PDE4D: variants seen among roughly 807,000 people sequenced by gnomAD.
PDE4D encodes phosphodiesterase 4D, also known as 3',5'-cyclic-AMP phosphodiesterase 4D.
In PDE4D, 24 loss-of-function variants were observed where a neutral mutation model predicts 87.4. The ratio of observed to expected loss-of-function variants is 0.27; its 90% CI spans 0.20 to 0.39. The LOEUF is 0.39. PDE4D is among the 10% of genes least tolerant of loss of function. The pLI, the probability that PDE4D is intolerant of heterozygous loss-of-function variation, is 1.00. For synonymous variants in PDE4D, 384 were observed against 383.2 expected (o/e 1.00, Z -0.02); for missense variants, 714 against 1,041.0 (o/e 0.69, Z 4.32).
At chr5:59,462,915 C>T (rs76973291) in intron 1 of PDE4D, among the ~76,000 whole-genome samples, 1 of 150,144 alleles carries the variant, frequency 6.7e-6, no homozygotes, top group Admixed American at 6.6e-5. Context: ...AAAAAAAAAA[C>T]TGCAGACAAA....
At chr5:60,180,740 A>G (rs1784314039) in intron 2 of PDE4D, among the ~76,000 whole-genome samples, 1 of 152,110 alleles carries the variant, frequency 6.6e-6, no homozygotes, top group Non-Finnish European at 1.5e-5. Context: ...AATCTCTAAA[A>G]CTACAACTTC....
intron 2 of PDE4D, among the ~76,000 whole-genome samples, chr5:59,209,460 A>G (rs962870872): frequency 6.6e-6 from 1 of 152,222 alleles, no homozygotes; most frequent in South Asian, 2.1e-4. Context: ...TGCCAGGATT[A>G]CAGATGTGAG....
At chr5:60,100,286 T>G (rs899558080) in intron 2 of PDE4D, among the ~76,000 whole-genome samples, 1 of 152,028 alleles carries the variant, frequency 6.6e-6, no homozygotes, top group Admixed American at 6.6e-5. Flanking sequence ...ATAAATATAA[T>G]TTCTCATAGA....
intron 1 of PDE4D, among the ~76,000 whole-genome samples, chr5:59,547,896 C>T (rs1311933379): frequency 6.6e-6 from 1 of 152,166 alleles, no homozygotes; most frequent in Non-Finnish European, 1.5e-5. Flanking sequence ...CAAGTGCACA[C>T]GTTTCAAGTC....
chr5:59,388,626 T>TACACACACACAC lies in PDE4D; in HGVS notation c.456-172670_456-172659dup, dbSNP rs71604788. Among the ~76,000 whole-genome samples, 296 of 148,304 alleles carry TACACACACACAC rather than the reference T, an allele frequency of 2.0e-3. 1 individual carries two copies. Among genetic ancestry groups the TACACACACACAC allele is most frequent in the African/African-American group, 5.8e-3 (237 of 40,522 alleles). Reference sequence around the variant, plus strand: ...CAATGAATGGATAAAGAAAATGTGGTACACACACACACACACACACACTCA... The same window carrying TACACACACACAC: ...CAATGAATGGATAAAGAAAATGTGGTACACACACACACACACACACACACACACACACACTCA... On this transcript the variant is annotated intron_variant, in intron 1 of 14. Transcript: ENST00000340635.
intron 2 of PDE4D, among the ~76,000 whole-genome samples, chr5:60,113,684 C>T (rs548442987): frequency 1.3e-5 from 2 of 152,234 alleles, no homozygotes; most frequent in Admixed American, 6.5e-5. Context: ...CTGTTCTCTT[C>T]GACCCATTCA....
At chr5:59,532,887 T>G (rs1165543656) in intron 1 of PDE4D, among the ~76,000 whole-genome samples, 2 of 152,166 alleles carry the variant, frequency 1.3e-5, no homozygotes, top group Non-Finnish European at 2.9e-5. Context: ...AGAAAGTTAT[T>G]TGGAGTCTTC....
At chr5:59,991,538 T>C (rs1049907348) in intron 2 of PDE4D, among the ~76,000 whole-genome samples, 1 of 152,142 alleles carries the variant, frequency 6.6e-6, no homozygotes, top group Non-Finnish European at 1.5e-5. Context: ...GTTCCAGATC[T>C]GCTGGTCTTA....
intron 1 of PDE4D, among the ~76,000 whole-genome samples, chr5:60,201,807 C>T (rs1741948176): frequency 6.6e-6 from 1 of 152,122 alleles, no homozygotes; most frequent in Non-Finnish European, 1.5e-5. Context: ...TTGATACTGG[C>T]ACCAGACTAG....
rs181152463 is a variant in PDE4D at position 59,850,906 on chromosome 5, G to C, written c.455+42262C>G. On this transcript the variant is annotated intron_variant, in intron 1 of 14. Coordinates refer to ENST00000340635, the MANE Select transcript of PDE4D (RefSeq NM_001104631.2). ...CTTTAGTTTTTTAAATATTTGTTTT[G>C]TTGTTGTTAACTGAGGTTAACAAGA... is the stretch of plus-strand genomic sequence containing the variant. 5.9e-4 allele frequency among the ~76,000 whole-genome samples: 89 copies of C among 152,038 alleles called. 2 individuals are homozygous for C. The highest frequency in any genetic ancestry group is 1.2e-4 in the Non-Finnish European group (8 of 67,942).
intron 1 of PDE4D, among the ~76,000 whole-genome samples, chr5:60,246,079 G>A (rs1747739535): frequency 6.6e-6 from 1 of 151,526 alleles, no homozygotes; most frequent in Non-Finnish European, 1.5e-5. Context: ...CTACTATGTA[G>A]CCAAAAAAAT....
intron 1 of PDE4D, among the ~76,000 whole-genome samples, chr5:60,484,402 A>G (rs1748972753): frequency 6.6e-6 from 1 of 152,198 alleles, no homozygotes; most frequent in Admixed American, 6.5e-5. Context: ...GGAAGCAAAC[A>G]TAGCTTAGAA....
chr5:59,988,243 G>T lies in PDE4D; in HGVS notation c.272+245C>A, dbSNP rs4700350. 0.67 allele frequency: 259,833 copies of T among 385,894 alleles called. 91,628 individuals carry two copies. Among genetic ancestry groups the T allele is most frequent in the East Asian group, 0.79 (20,186 of 25,704 alleles). The allele number at this position is 385,894 out of a possible 1,614,324, so 23.9% of individuals were successfully genotyped here. A position where few individuals can be genotyped will look rare whatever the true frequency, so the allele number is the denominator to read the frequency against. ...AATTTTCCAAGTACAACTGCCCTTT[G>T]GCAAATGTTTATTAGCATTCACCAA... On this transcript the variant is annotated intron_variant, in intron 3 of 16. Transcript: ENST00000502484.
chr5:59,413,406 C>T (rs1459895811), intron 1 of PDE4D, among the ~76,000 whole-genome samples: 2 of 143,224 alleles, frequency 1.4e-5, no homozygotes, highest in African/African-American at 5.3e-5. Context: ...TGCAGTGAGC[C>T]GAGATCGCGC....
intron 1 of PDE4D, among the ~76,000 whole-genome samples, chr5:59,666,493 A>G (rs2150309038): frequency 6.6e-6 from 1 of 152,370 alleles, no homozygotes; most frequent in East Asian, 1.9e-4. Flanking sequence ...TTTATTAAAC[A>G]TAGTCACAAA....
In PDE4D at chr5:60,371,420, G is replaced by T. The variant is rs533258796; in HGVS notation, c.-90+116522C>A. On this transcript the variant is annotated intron_variant, in intron 1 of 16. Transcript: ENST00000502484. ...GCTCCCTTTACCCAATATAATCGGA[G>T]ATGCATTAAACAACTCAGCCTTTTT... Among the ~76,000 whole-genome samples the T allele has an allele frequency of 2.8e-4, 42 of 152,284 alleles. 1 individual carries two copies. In the East Asian group the frequency reaches 3.5e-3, roughly 13 times the overall value.
intron 1 of PDE4D, among the ~76,000 whole-genome samples, chr5:59,359,071 T>G (rs1781823344): frequency 6.6e-6 from 1 of 152,320 alleles, no homozygotes; most frequent in Non-Finnish European, 1.5e-5. Context: ...ATATTCAAAT[T>G]TAATGGATAT....
At chr5:60,035,503 T>A (rs1767698578) in intron 2 of PDE4D, among the ~76,000 whole-genome samples, 2 of 152,188 alleles carry the variant, frequency 1.3e-5, no homozygotes, top group African/African-American at 4.8e-5. Flanking sequence ...AAACTCTGTA[T>A]GCTTCTAGAC....
At chr5:59,270,093 G>C (rs1763542971) in intron 1 of PDE4D, among the ~76,000 whole-genome samples, 1 of 152,046 alleles carries the variant, frequency 6.6e-6, no homozygotes, top group Non-Finnish European at 1.5e-5. Context: ...TTCTAGTTAT[G>C]TTTTAAATAC....
Sources: gnomAD v4.1 joint callset for allele counts (sites outside exome capture counted in the v4.1 genomes callset) on GRCh38, gnomAD v4.1.1 for gene constraint, MANE v1.5 for transcripts, NCBI Gene and HGNC (gene_info 2026-07-23, HGNC 2026-07-21) for gene names.